NLRC4: variants seen among roughly 807,000 people sequenced by gnomAD.
The protein encoded by NLRC4 is NLR family CARD domain containing 4.
Under a neutral mutation model 79.9 loss-of-function variants are expected in NLRC4, and 63 were observed. The observed-to-expected ratio is 0.79, with a 90% CI of 0.64 to 0.97. The LOEUF is 0.97. NLRC4 is among the 50% of genes least tolerant of loss of function. The probability of loss-of-function intolerance (pLI) is 0.00; values close to 1 mark genes in which losing one functional copy is unlikely to be tolerated. For synonymous variants in NLRC4, 461 were observed against 456.5 expected, an observed-to-expected ratio of 1.01 and a Z score of -0.12; for missense variants, 1,074 against 1,215.2, an observed-to-expected ratio of 0.88 and a Z score of 1.73.
chr2:32,236,972 T>C (rs1686688155), intron 6 of NLRC4, among the ~76,000 whole-genome samples: 1 of 152,182 alleles, frequency 6.6e-6, no homozygotes, highest in Non-Finnish European at 1.5e-5. Flanking sequence ...TAATCAGATA[T>C]TCAGAACTTT....
intron 4 of NLRC4, among the ~76,000 whole-genome samples, chr2:32,242,722 C>G (rs1158582789): frequency 6.6e-6 from 1 of 152,070 alleles, no homozygotes; most frequent in Admixed American, 6.6e-5. Context: ...CCATCATTAA[C>G]TTGATATGAA....
rs1173775832 is a variant in NLRC4 at position 32,249,837 on chromosome 2, T to C, written c.2027A>G (p.Asp676Gly). Reference sequence around the variant, plus strand: ...GAATATTTTCCCCAGATATCTGATATCTTGCTTATTCAACTTGCTGAAATC... The same window carrying C: ...GAATATTTTCCCCAGATATCTGATACCTTGCTTATTCAACTTGCTGAAATC... ...LRDFSKLNKQ[D>G]IRYLGKIFSS... The change falls in exon 4 of 9, where the codon GAT (aspartate) becomes GGT (glycine). Residue 676 changes from aspartate to glycine, a missense_variant. By Grantham distance (94) the Asp-to-Gly change is moderately conservative. Transcript: ENST00000402280. The C allele has an allele frequency of 6.2e-7, 1 of 1,614,236 alleles. No individual in the cohort carries two copies. The highest frequency in any genetic ancestry group is 1.7e-5 in the Admixed American group (1 of 60,032).
intron 8 of NLRC4, among the ~76,000 whole-genome samples, chr2:32,232,532 A>G (rs1686562833): frequency 6.6e-6 from 1 of 152,154 alleles, no homozygotes; most frequent in Non-Finnish European, 1.5e-5. Context: ...TCTTTCTTTA[A>G]TTAGAGACTC....
rs139262662 is a variant in NLRC4, at chr2:32,236,427, A to G, written c.2522-88T>C. On this transcript the variant is annotated intron_variant, in intron 6 of 8. Transcript: ENST00000402280. ...TATCCTTAGAATAATTCTGAGTTTT[A>G]TCTTCTCTGCTAATGGTAGTGCAAA... is the stretch of plus-strand genomic sequence containing the variant. 34 of 717,126 alleles carry G rather than the reference A, an allele frequency of 4.7e-5. No homozygotes were observed. In the South Asian group the frequency reaches 5.0e-4, roughly 11 times the overall value. 44.4% of individuals were successfully genotyped at this position (717,126 alleles called of 1,614,324 possible).
chr2:32,259,828 ACTC>A (rs1687296629), intron 1 of NLRC4, among the ~76,000 whole-genome samples: 1 of 151,904 alleles, frequency 6.6e-6, no homozygotes, highest in East Asian at 1.9e-4. Flanking sequence ...AGTATGTGCT[ACTC>A]CTTTCATTCC....
At chr2:32,256,692 C>T (rs1687213929) in intron 2 of NLRC4, 83 bp downstream of exon 2, 2 of 765,362 alleles carry the variant, frequency 2.6e-6, no homozygotes, top group Non-Finnish European at 4.9e-6. Context: ...CAGAGGAAGC[C>T]ATGAACTGAT....
In NLRC4 at chr2:32,250,851, G is replaced by T; in HGVS notation, c.1013C>A (p.Pro338His). 3.1e-6 allele frequency: 5 copies of T among 1,614,200 alleles called. No homozygotes were observed. The highest frequency in any genetic ancestry group is 4.2e-6 in the Non-Finnish European group (5 of 1,180,044). ...SRCLRNLMKT[P>H]LFVVITCAIQ... ...TGCACAAGTGATGACCACAAAGAGA[G>T]GGGTCTTCATGAGATTCCTCAAGCA... Residue 338 changes from proline to histidine, a missense_variant, in exon 4 of 9, where the codon CCT (proline) becomes CAT (histidine). Coordinates refer to ENST00000402280, the MANE Select transcript of NLRC4 (RefSeq NM_001199138.2). The surrounding 1 kb of genome is among the most constrained non-coding windows in gnomAD (Gnocchi z 4.9).
chr2:32,237,282 A>G (rs1055988744), intron 6 of NLRC4, among the ~76,000 whole-genome samples: 41 of 152,168 alleles, frequency 2.7e-4, no homozygotes, highest in African/African-American at 8.9e-4. Context: ...CAATCATATG[A>G]GCCCTTTTCT....
intron 5 of NLRC4, among the ~76,000 whole-genome samples, chr2:32,238,801 C>T (rs1686730198): frequency 6.6e-6 from 1 of 152,240 alleles, no homozygotes; most frequent in East Asian, 1.9e-4. Flanking sequence ...AAGACCACAT[C>T]CACTGCAGCA....
intron 4 of NLRC4, among the ~76,000 whole-genome samples, chr2:32,242,816 G>A (rs1173055888): frequency 1.3e-5 from 2 of 152,186 alleles, no homozygotes; most frequent in Non-Finnish European, 2.9e-5. Context: ...GGGGGCAGAG[G>A]TAGGAGGATC....
upstream of NLRC4, chr2:32,265,540 C>T (rs1687445679): frequency 6.6e-6 from 1 of 152,350 alleles, no homozygotes; most frequent in Non-Finnish European, 1.5e-5. Context: ...AATGAGCCAG[C>T]TTAGTTGGCT....
intron 2 of NLRC4, 100 bp from the exon 3 acceptor site, chr2:32,252,779 G>T (rs891072608): frequency 2.1e-6 from 2 of 966,038 alleles, no homozygotes; most frequent in African/African-American, 3.3e-5. Flanking sequence ...AGCACTTTGG[G>T]AGGCCGAGGC....
Position 32,250,154 on chromosome 2 carries a change from G to T in NLRC4, c.1710C>A (p.Ala570=), listed in dbSNP as rs1325161176. ...HLYQESTSKS[A]LSQEFEAFFQ... ...AGAAAGCTTCAAATTCTTGGCTCAG[G>T]GCTGATTTGGATGTACTCTCTTGAT... The change falls in exon 4 of 9, where the codon GCC becomes GCA. Residue 570 remains alanine (A), a synonymous_variant. Coordinates refer to ENST00000402280, the MANE Select transcript of NLRC4 (RefSeq NM_001199138.2). The surrounding 1 kb of genome is among the most constrained non-coding windows in gnomAD (Gnocchi z 4.9). 1 of 1,614,174 alleles carries T rather than the reference G, an allele frequency of 6.2e-7. No homozygotes were observed. The highest frequency in any genetic ancestry group is 2.2e-5 in the East Asian group (1 of 44,890).
chr2:32,236,131 G>C (rs1192219477), intron 7 of NLRC4, 116 bp downstream of exon 7: 2 of 593,072 alleles, frequency 3.4e-6, no homozygotes, highest in African/African-American at 1.9e-5. Flanking sequence ...TTCCTAAGGA[G>C]GGTGCATCTA....
At chr2:32,233,340 TATATATA>T (rs1381367230) in intron 8 of NLRC4, among the ~76,000 whole-genome samples, 3 of 45,456 alleles carry the variant, frequency 6.6e-5, no homozygotes, top group African/African-American at 2.3e-4. Flanking sequence ...TATATATATA[TATATATA>T]TATTTTTTTT....
intron 8 of NLRC4, among the ~76,000 whole-genome samples, chr2:32,225,408 G>GGTGTGT: frequency 1.4e-5 from 1 of 71,012 alleles, no homozygotes; most frequent in South Asian, 3.8e-4. Flanking sequence ...ACATACAAAG[G>GGTGTGT]ATGTGTGTGT....
At chr2:32,249,555 CT>C (rs1430111647) in intron 4 of NLRC4, 51 bp downstream of exon 4, 1 of 1,385,698 alleles carries the variant, frequency 7.2e-7, no homozygotes, top group African/African-American at 1.5e-5. Flanking sequence ...AATTTATACA[CT>C]GTTATTTTTT....
intron 2 of NLRC4, among the ~76,000 whole-genome samples, chr2:32,254,218 A>G (rs1687152065): frequency 6.6e-6 from 1 of 152,062 alleles, no homozygotes; most frequent in Non-Finnish European, 1.5e-5. Context: ...AATGGTGTCA[A>G]GAGCATTATT....
Position 32,250,234 on chromosome 2 carries a change from C to A in NLRC4, c.1630G>T (p.Glu544Ter), listed in dbSNP as rs774546369. 3 of 1,614,178 alleles carry A rather than the reference C, an allele frequency of 1.9e-6. No individual in the cohort carries two copies. In the South Asian group the frequency reaches 3.3e-5, roughly 18 times the overall value. ...LQSVKNTTEQ[E>*]ILKAININSF... is the part of the protein sequence containing the mutation. ...TTGATGTTTATGGCTTTCAGAATTT[C>A]TTGCTCAGTGGTGTTTTTCACACTT... Residue 544 changes from glutamate (E) to a stop codon, truncating the protein, a stop_gained, in exon 4 of 9, where the codon GAA (glutamate) becomes TAA (stop). Coordinates refer to ENST00000402280, the MANE Select transcript of NLRC4 (RefSeq NM_001199138.2). LOFTEE classifies it high-confidence loss of function. This position sits in a 1 kb window ranked among gnomAD's most constrained non-coding sequence, Gnocchi z 4.9.
Sources: gnomAD v4.1 joint callset for allele counts (sites outside exome capture counted in the v4.1 genomes callset) on GRCh38, gnomAD v4.1.1 for gene constraint, Gnocchi (gnomAD v3.1) non-coding constraint, MANE v1.5 for transcripts, NCBI Gene and HGNC (gene_info 2026-07-23, HGNC 2026-07-21) for gene names.